ROBO1: variants seen among roughly 807,000 people sequenced by gnomAD.
The protein encoded by ROBO1 is roundabout guidance receptor 1, also known as roundabout homolog 1.
In ROBO1, 149 loss-of-function variants were observed where a neutral mutation model predicts 195.9. That is an observed-to-expected ratio of 0.76 (90% confidence interval 0.67 to 0.87). The LOEUF is 0.87. Ranked by LOEUF, ROBO1 falls within the 40% of genes least tolerant of loss-of-function variation. The probability of loss-of-function intolerance (pLI) is 0.00; values close to 1 mark genes in which losing one functional copy is unlikely to be tolerated. For missense variants in ROBO1, 1,933 were observed against 2,068.3 expected (o/e 0.93, Z 1.27); for synonymous variants, 816 against 733.2 (o/e 1.11, Z -1.82).
chr3:79,753,482 T>C (rs755322545), intron 1 of ROBO1, among the ~76,000 whole-genome samples: 2 of 152,172 alleles, frequency 1.3e-5, no homozygotes, highest in African/African-American at 2.4e-5. Context: ...AGTGATGATA[T>C]TGTCCACTCA....
chr3:79,612,660 T>C (rs1222727864), intron 1 of ROBO1, among the ~76,000 whole-genome samples: 1 of 144,412 alleles, frequency 6.9e-6, no homozygotes, highest in Non-Finnish European at 1.5e-5. Context: ...TGTAAAAGTG[T>C]TCCTATTTCT....
chr3:79,021,747 G>A (rs1237353854), intron 3 of ROBO1, among the ~76,000 whole-genome samples: 3 of 142,734 alleles, frequency 2.1e-5, no homozygotes, highest in Admixed American at 7.5e-5. Flanking sequence ...TGCAAGCTCC[G>A]CCTCCCGGGT....
At chr3:79,620,311 G>A (rs999515684) in intron 1 of ROBO1, among the ~76,000 whole-genome samples, 15 of 152,042 alleles carry the variant, frequency 9.9e-5, no homozygotes, top group African/African-American at 2.7e-4. Context: ...CGATCGCCTC[G>A]GAAGCCTCCT....
intron 14 of ROBO1, among the ~76,000 whole-genome samples, chr3:78,662,474 C>A (rs1489915368): frequency 6.6e-6 from 1 of 152,072 alleles, no homozygotes; most frequent in African/African-American, 2.4e-5. Context: ...TTTGTGAAAA[C>A]CTTCTGTAGT....
At chr3:79,388,244 C>T (rs1309980610) in intron 2 of ROBO1, among the ~76,000 whole-genome samples, 3 of 152,052 alleles carry the variant, frequency 2.0e-5, no homozygotes, top group Non-Finnish European at 4.4e-5. Flanking sequence ...AATGTAAGTG[C>T]TATGAAAGGG....
intron 2 of ROBO1, among the ~76,000 whole-genome samples, chr3:79,554,019 G>T (rs1292642899): frequency 6.6e-6 from 1 of 151,982 alleles, no homozygotes; most frequent in African/African-American, 2.4e-5. Context: ...ATGTCTTTCG[G>T]CATTTTGGGT....
chr3:78,769,689 A>G, intron 4 of ROBO1, among the ~76,000 whole-genome samples: 1 of 127,340 alleles, frequency 7.9e-6, no homozygotes, highest in African/African-American at 3.0e-5. Flanking sequence ...TTTATGCTTT[A>G]AAGAGGTTCT....
At chr3:79,262,449 T>G (rs2082957433) in intron 2 of ROBO1, among the ~76,000 whole-genome samples, 1 of 152,098 alleles carries the variant, frequency 6.6e-6, no homozygotes, top group Admixed American at 6.6e-5. Flanking sequence ...CATTTGATAT[T>G]TAGAGTACAA....
intron 2 of ROBO1, among the ~76,000 whole-genome samples, chr3:79,444,963 T>A (rs181818127): frequency 1.3e-5 from 2 of 151,876 alleles, no homozygotes; most frequent in East Asian, 3.9e-4. Context: ...AGTGATGAGA[T>A]TAAGATGGCA....
At chr3:78,871,437 G>T (rs1171442644) in intron 4 of ROBO1, among the ~76,000 whole-genome samples, 1 of 152,008 alleles carries the variant, frequency 6.6e-6, no homozygotes, top group Non-Finnish European at 1.5e-5. Context: ...ATGAAAAACG[G>T]AGCTTTCTGA....
intron 1 of ROBO1, among the ~76,000 whole-genome samples, chr3:79,701,184 T>C (rs927504252): frequency 2.0e-5 from 3 of 151,786 alleles, no homozygotes; most frequent in Non-Finnish European, 4.4e-5. Context: ...CTGGTTGATA[T>C]GTCTGTCTTT....
intron 4 of ROBO1, among the ~76,000 whole-genome samples, chr3:78,788,448 A>T (rs2083918353): frequency 6.8e-6 from 1 of 147,322 alleles, no homozygotes; most frequent in Non-Finnish European, 1.5e-5. Flanking sequence ...TTTAAAAAAA[A>T]AAAAAAAAAA....
chr3:78,712,017 C>CAAAA (rs56267632), intron 8 of ROBO1, among the ~76,000 whole-genome samples: 10 of 76,462 alleles, frequency 1.3e-4, no homozygotes, highest in African/African-American at 4.3e-4. Context: ...AAGACCTTGG[C>CAAAA]AAAAAAAAAA....
chr3:79,015,264 C>T (rs1452264881), intron 3 of ROBO1, among the ~76,000 whole-genome samples: 1 of 151,818 alleles, frequency 6.6e-6, no homozygotes, highest in Non-Finnish European at 1.5e-5. Context: ...AACAATCTTA[C>T]CAGAAAGCAA....
At chr3:78,677,412 C>T (rs1708505265) in intron 10 of ROBO1, among the ~76,000 whole-genome samples, 1 of 152,110 alleles carries the variant, frequency 6.6e-6, no homozygotes, top group African/African-American at 2.4e-5. Context: ...CATCAGTGTG[C>T]TGTATTCAGG....
At chr3:78,838,705 G>GC (rs11437812) in intron 4 of ROBO1, among the ~76,000 whole-genome samples, 4,495 of 152,198 alleles carry the variant, frequency 0.03, 209 homozygotes, top group African/African-American at 0.1. Context: ...AAGCACCCCC[G>GC]CCCTACCTCC....
At chr3:78,669,154 A>C (rs1270118296) in intron 11 of ROBO1, among the ~76,000 whole-genome samples, 2 of 152,196 alleles carry the variant, frequency 1.3e-5, no homozygotes, top group African/African-American at 4.8e-5. Flanking sequence ...TTAAAAACTG[A>C]ATGTCAGAAG....
chr3:78,673,031 T>C (rs1321399702), intron 10 of ROBO1, among the ~76,000 whole-genome samples: 1 of 152,168 alleles, frequency 6.6e-6, no homozygotes, highest in Admixed American at 6.5e-5. Context: ...GCTAGAGTAA[T>C]TGGGGAATTG....
intron 7 of ROBO1, among the ~76,000 whole-genome samples, chr3:78,716,660 G>A (rs2081909326): frequency 6.6e-6 from 1 of 152,124 alleles, no homozygotes; most frequent in African/African-American, 2.4e-5. Flanking sequence ...CTATGTCTAA[G>A]CCACTACTGT....
Sources: gnomAD v4.1 joint callset for allele counts (sites outside exome capture counted in the v4.1 genomes callset) on GRCh38, gnomAD v4.1.1 for gene constraint, MANE v1.5 for transcripts, NCBI Gene and HGNC (gene_info 2026-07-23, HGNC 2026-07-21) for gene names.